Variants in DACH2 observed in about 807,000 individuals in gnomAD.
DACH2 encodes the protein dachshund homolog 2.
In DACH2, 17 loss-of-function variants were observed where a neutral mutation model predicts 35.8. The observed-to-expected ratio is 0.48, with a 90% confidence interval of 0.33 to 0.71. The LOEUF (loss-of-function observed/expected upper bound fraction) is 0.71. Ranked by LOEUF, DACH2 falls within the 30% of genes least tolerant of loss-of-function variation. The pLI, the probability that DACH2 is intolerant of heterozygous loss-of-function variation, is 0.02. For missense variants in DACH2, 469 were observed against 472.7 expected, an observed-to-expected ratio of 0.99 and a Z score of 0.07; for synonymous variants, 195 against 177.3, an observed-to-expected ratio of 1.10 and a Z score of -0.79.
chrX:86,450,052 T>G (rs2037344444), intron 2 of DACH2, among the ~76,000 whole-genome samples: 1 of 111,492 alleles, frequency 9.0e-6, no homozygotes, highest in African/African-American at 3.3e-5. Context: ...GTATCTACCT[T>G]TTATGTCTTT....
intron 1 of DACH2, among the ~76,000 whole-genome samples, chrX:86,357,096 C>T (rs924008816): frequency 9.0e-6 from 1 of 111,297 alleles, no homozygotes; most frequent in Non-Finnish European, 1.9e-5. Flanking sequence ...TTACAATGGC[C>T]TCCAGCTCCA....
chrX:86,240,268 A>G (rs1313699922), intron 1 of DACH2, among the ~76,000 whole-genome samples: 1 of 110,628 alleles, frequency 9.0e-6, no homozygotes, highest in Non-Finnish European at 1.9e-5. Flanking sequence ...CACACCAGAG[A>G]GTTTTGTTGT....
chrX:86,180,425 A>T (rs1388171471), intron 1 of DACH2, among the ~76,000 whole-genome samples: 12 of 108,511 alleles, frequency 1.1e-4, no homozygotes, highest in Non-Finnish European at 2.1e-4. Flanking sequence ...GGAGTATTTT[A>T]AAAAATATAA....
At chrX:86,348,666 G>GA (rs973111880) in intron 1 of DACH2, among the ~76,000 whole-genome samples, 2 of 111,617 alleles carry the variant, frequency 1.8e-5, no homozygotes, top group African/African-American at 6.5e-5. Context: ...CTTCAAAATG[G>GA]AAAAAAAGGA....
intron 1 of DACH2, among the ~76,000 whole-genome samples, chrX:86,368,903 TA>T (rs991757507): frequency 3.6e-5 from 4 of 111,231 alleles, no homozygotes; most frequent in Admixed American, 9.6e-5. Context: ...AGCATCAAGA[TA>T]AAACAGTAAT....
chrX:86,317,549 A>AT (rs2034936558), intron 1 of DACH2, among the ~76,000 whole-genome samples: 1 of 112,283 alleles, frequency 8.9e-6, no homozygotes, highest in Non-Finnish European at 1.9e-5. Flanking sequence ...TTAAAAGATA[A>AT]TTTTTCTCTT....
At chrX:86,257,253 CTTA>C (rs772446530) in intron 1 of DACH2, among the ~76,000 whole-genome samples, 1 of 111,575 alleles carries the variant, frequency 9.0e-6, no homozygotes, top group South Asian at 3.8e-4. Context: ...TTATTAGGCT[CTTA>C]TTATGCTCTA....
chrX:86,618,356 GT>G (rs1292851915), intron 3 of DACH2, among the ~76,000 whole-genome samples: 1 of 112,070 alleles, frequency 8.9e-6, no homozygotes, highest in African/African-American at 3.2e-5. Context: ...ACTATAATAT[GT>G]TTGTTTATCA....
chrX:86,325,716 C>A (rs777567683), intron 1 of DACH2, among the ~76,000 whole-genome samples: 31 of 111,942 alleles, frequency 2.8e-4, no homozygotes, highest in African/African-American at 9.1e-4. Context: ...CTCAACATTT[C>A]CAACTTTAGA....
At chrX:86,183,310 G>C (rs939856674) in intron 1 of DACH2, among the ~76,000 whole-genome samples, 10 of 111,676 alleles carry the variant, frequency 9.0e-5, no homozygotes, top group African/African-American at 3.3e-4. Flanking sequence ...ATTGGCTGTG[G>C]GTTTGTCATA....
intron 1 of DACH2, among the ~76,000 whole-genome samples, chrX:86,163,692 T>C (rs1471012112): frequency 9.0e-6 from 1 of 111,676 alleles, no homozygotes; most frequent in Non-Finnish European, 1.9e-5. Context: ...TGGTATTTGG[T>C]TTTCTGTTCT....
chrX:86,285,402 T>G (rs2034124332), intron 1 of DACH2, among the ~76,000 whole-genome samples: 1 of 112,036 alleles, frequency 8.9e-6, no homozygotes, highest in South Asian at 3.7e-4. Context: ...TTAAGAAAAT[T>G]TTTCCATCTT....
intron 1 of DACH2, among the ~76,000 whole-genome samples, chrX:86,150,267 G>T (rs242845): frequency 0.07 from 7,771 of 111,620 alleles, 651 homozygotes; most frequent in African/African-American, 0.24. Flanking sequence ...AAAGGATTTT[G>T]TTGTAAAACA....
At chrX:86,288,269 A>G (rs1300498056) in intron 1 of DACH2, among the ~76,000 whole-genome samples, 3 of 65,474 alleles carry the variant, frequency 4.6e-5, no homozygotes, top group African/African-American at 2.3e-4. Context: ...TGAGTCAGTT[A>G]AAGCTAGAGG....
chrX:86,654,756 A>G (rs1421408176), intron 4 of DACH2, among the ~76,000 whole-genome samples: 1 of 111,419 alleles, frequency 9.0e-6, no homozygotes, highest in Non-Finnish European at 1.9e-5. Context: ...CTCCCATTTT[A>G]TAGATCTAAT....
chrX:86,570,843 A>G (rs1293842925), intron 3 of DACH2, among the ~76,000 whole-genome samples: 1 of 111,460 alleles, frequency 9.0e-6, no homozygotes, highest in African/African-American at 3.3e-5. Flanking sequence ...GTTTGGATGG[A>G]AGCTCTTTGT....
At chrX:86,257,981 A>G (rs772999180) in intron 1 of DACH2, among the ~76,000 whole-genome samples, 2 of 110,978 alleles carry the variant, frequency 1.8e-5, no homozygotes, top group Admixed American at 1.9e-4. Context: ...AACTCAGACA[A>G]ATTCTGCCTC....
intron 1 of DACH2, among the ~76,000 whole-genome samples, chrX:86,286,619 C>T (rs1406894020): frequency 9.1e-6 from 1 of 110,494 alleles, no homozygotes; most frequent in East Asian, 2.8e-4. Context: ...ATATTTTGGA[C>T]CCCTTGTATT....
chrX:86,615,064 AGTGACTGTTGTCACCCACTCTTAT>A (rs2039987866), intron 3 of DACH2, among the ~76,000 whole-genome samples: 1 of 111,570 alleles, frequency 9.0e-6, no homozygotes, highest in Non-Finnish European at 1.9e-5. Flanking sequence ...ACACTCTATC[AGTGACTGTTGTCACCCACTCTTAT>A]TAGTCTTTTC....
Sources: gnomAD v4.1 joint callset for allele counts (sites outside exome capture counted in the v4.1 genomes callset) on GRCh38, gnomAD v4.1.1 for gene constraint, MANE v1.5 for transcripts, NCBI Gene and HGNC (gene_info 2026-07-23, HGNC 2026-07-21) for gene names.